Variants in EPB41L2 observed in about 807,000 individuals in gnomAD.
EPB41L2 encodes erythrocyte membrane protein band 4.1 like 2.
Under a neutral mutation model 113.0 loss-of-function variants are expected in EPB41L2, and 43 were observed. The observed-to-expected ratio is 0.38, with a 90% CI of 0.30 to 0.49. The LOEUF is 0.49. Ranked by LOEUF, EPB41L2 falls within the 20% of genes least tolerant of loss-of-function variation. The pLI is 0.95. For synonymous variants in EPB41L2, 442 were observed against 436.7 expected, an observed-to-expected ratio of 1.01 and a Z score of -0.15; for missense variants, 1,147 against 1,223.4, an observed-to-expected ratio of 0.94 and a Z score of 0.93.
At chr6:130,940,694 T>C (rs1810522875) in intron 3 of EPB41L2, among the ~76,000 whole-genome samples, 1 of 152,144 alleles carries the variant, frequency 6.6e-6, no homozygotes, top group African/African-American at 2.4e-5. Context: ...CTCAAATTCC[T>C]GACCTCAAGT....
At chr6:130,954,049 T>TTTC in intron 3 of EPB41L2, among the ~76,000 whole-genome samples, 1 of 93,204 alleles carries the variant, frequency 1.1e-5, no homozygotes, top group African/African-American at 3.8e-5. Flanking sequence ...TCTTTTTTTT[T>TTTC]TTTTTTTTTT....
At chr6:130,935,303 CTCCTTACTTGCCCT>C (rs1808420092) in intron 3 of EPB41L2, among the ~76,000 whole-genome samples, 1 of 152,172 alleles carries the variant, frequency 6.6e-6, no homozygotes, top group South Asian at 2.1e-4. Flanking sequence ...GATACTTTGA[CTCCTTACTTGCCCT>C]TCTTACTTGT....
chr6:130,923,342 A>AT (rs1416108238), intron 4 of EPB41L2, among the ~76,000 whole-genome samples: 1 of 152,178 alleles, frequency 6.6e-6, no homozygotes, highest in Non-Finnish European at 1.5e-5. Context: ...GCTTCAGCCT[A>AT]TCAATGGTTT....
intron 18 of EPB41L2, among the ~76,000 whole-genome samples, chr6:130,860,504 CA>C (rs1270389376): frequency 6.6e-6 from 1 of 152,112 alleles, no homozygotes; most frequent in African/African-American, 2.4e-5. Flanking sequence ...GAGAAAACAT[CA>C]CATCTTACTG....
chr6:130,983,666 C>T (rs1779880716), intron 1 of EPB41L2, among the ~76,000 whole-genome samples: 1 of 151,874 alleles, frequency 6.6e-6, no homozygotes, highest in African/African-American at 2.4e-5. Flanking sequence ...GTAGCTGGGA[C>T]TACAGGCACA....
intron 14 of EPB41L2, chr6:130,872,282 C>A: frequency 9.7e-7 from 1 of 1,027,426 alleles, no homozygotes; most frequent in Non-Finnish European, 1.2e-6. Flanking sequence ...AATGAAAGCA[C>A]TGGAGGGAAT....
intron 3 of EPB41L2, among the ~76,000 whole-genome samples, chr6:130,944,630 A>G (rs1251460453): frequency 1.3e-5 from 2 of 152,206 alleles, no homozygotes; most frequent in Admixed American, 6.5e-5. Flanking sequence ...GGAAACTAAG[A>G]TAGGCAGGAA....
chr6:130,902,210 G>A (rs1432054719), intron 6 of EPB41L2, among the ~76,000 whole-genome samples: 3 of 152,178 alleles, frequency 2.0e-5, no homozygotes, highest in African/African-American at 7.2e-5. Flanking sequence ...TCTTAGTCCT[G>A]TGGACACTTG....
intron 12 of EPB41L2, 102 bp downstream of exon 12, chr6:130,884,994 A>C: frequency 7.4e-7 from 1 of 1,347,486 alleles, no homozygotes; most frequent in Non-Finnish European, 1.0e-6. Context: ...AGAACATAGA[A>C]CAACTAATTT....
chr6:130,979,481 C>A (rs1184412270), intron 1 of EPB41L2, among the ~76,000 whole-genome samples: 3 of 118,366 alleles, frequency 2.5e-5, no homozygotes. Context: ...GATGATGGAG[C>A]GAGACTCTGT....
At chr6:130,900,398 T>C (rs1795964385) in intron 7 of EPB41L2, among the ~76,000 whole-genome samples, 1 of 152,228 alleles carries the variant, frequency 6.6e-6, no homozygotes, top group South Asian at 2.1e-4. Context: ...AAAAAGTCCA[T>C]TTTCTTTTCA....
At chr6:131,009,853 T>C (rs1786495618) in intron 1 of EPB41L2, among the ~76,000 whole-genome samples, 1 of 152,230 alleles carries the variant, frequency 6.6e-6, no homozygotes, top group African/African-American at 2.4e-5. Flanking sequence ...TCTTACCAAA[T>C]CAGTCCATAT....
chr6:130,909,791 G>GA (rs1003846286), intron 4 of EPB41L2, among the ~76,000 whole-genome samples: 1 of 151,890 alleles, frequency 6.6e-6, no homozygotes, highest in Non-Finnish European at 1.5e-5. Context: ...GCTACTAAGA[G>GA]AAAAAAATAC....
At chr6:131,033,843 AG>A (rs1242668688) in intron 1 of EPB41L2, among the ~76,000 whole-genome samples, 1 of 152,238 alleles carries the variant, frequency 6.6e-6, no homozygotes, top group East Asian at 1.9e-4. Flanking sequence ...ATGATGAAAA[AG>A]TTCTGGAAAT....
intron 3 of EPB41L2, among the ~76,000 whole-genome samples, chr6:130,935,240 G>C (rs184252830): frequency 6.6e-5 from 10 of 152,276 alleles, no homozygotes; most frequent in Non-Finnish European, 1.3e-4. Flanking sequence ...CATTTAAAAG[G>C]AAATCCTAGT....
intron 17 of EPB41L2, among the ~76,000 whole-genome samples, chr6:130,864,925 A>C (rs1460001571): frequency 6.6e-6 from 1 of 152,268 alleles, no homozygotes; most frequent in East Asian, 1.9e-4. Flanking sequence ...TGACTTCAGC[A>C]TGCATCAGAA....
chr6:130,872,567 G>T (rs1786095686), intron 14 of EPB41L2: 21 of 1,283,106 alleles, frequency 1.6e-5, no homozygotes, highest in Non-Finnish European at 2.1e-5. Flanking sequence ...GAAGAGCAAA[G>T]AATTAGCAAT....
chr6:130,855,037 CAAAT>C (rs772571071), intron 19 of EPB41L2, among the ~76,000 whole-genome samples: 1 of 151,548 alleles, frequency 6.6e-6, no homozygotes, highest in Non-Finnish European at 1.5e-5. Flanking sequence ...TACTTTGTCT[CAAAT>C]AAATAAATAA....
At chr6:130,937,586 C>T (rs889247919) in intron 3 of EPB41L2, among the ~76,000 whole-genome samples, 5 of 152,110 alleles carry the variant, frequency 3.3e-5, no homozygotes, top group African/African-American at 4.8e-5. Context: ...TTTGGGAGGC[C>T]GAAGCAGGTG....
Sources: allele counts gnomAD v4.1 joint callset (sites outside exome capture counted in the v4.1 genomes callset), GRCh38; gene constraint gnomAD v4.1.1; transcripts MANE v1.5; gene names NCBI Gene and HGNC (gene_info 2026-07-23, HGNC 2026-07-21).